Variants in PRKAR1A observed in about 807,000 individuals in gnomAD.
PRKAR1A encodes the protein protein kinase cAMP-dependent type I regulatory subunit alpha, also known as cAMP-dependent protein kinase type I-alpha regulatory subunit.
In PRKAR1A, 3 loss-of-function variants were observed where a neutral mutation model predicts 52.0. That is an observed-to-expected ratio of 0.06 (90% CI 0.03 to 0.15). The LOEUF (loss-of-function observed/expected upper bound fraction) is 0.15, where lower values mean the gene tolerates loss of function less well. PRKAR1A is among the 10% of genes least tolerant of loss of function. The pLI, the probability that PRKAR1A is intolerant of heterozygous loss-of-function variation, is 1.00. For synonymous variants in PRKAR1A, 188 were observed against 168.4 expected (o/e 1.12, Z -0.90); for missense variants, 240 against 477.4 (o/e 0.50, Z 4.63).
At chr17:68,447,615 T>C in the PRKAR1A span, among the ~76,000 whole-genome samples, 9 of 152,090 alleles carry the variant, frequency 5.9e-5, no homozygotes, top group African/African-American at 2.2e-4. Flanking sequence ...GGACTCAAAC[T>C]CCTGGGCTCA....
chr17:68,530,333 C>T lies in PRKAR1A; in HGVS notation c.1030C>T (p.Pro344Ser). ...PRAATVVARG[P>S]LKCVKLDRPR... ...TGCTGCCACAGTTGTTGCTCGTGGCCCCTTGAAGTGCGTTAAGCTGGACCG... is the reference window on the plus strand; with the variant it reads ...TGCTGCCACAGTTGTTGCTCGTGGCTCCTTGAAGTGCGTTAAGCTGGACCG... The change falls in exon 11 of 11, where the codon CCC (proline) becomes TCC (serine). Residue 344 changes from proline (P) to serine (S), a missense_variant. Transcript: ENST00000589228. 1 of 1,614,028 alleles carries T rather than the reference C, an allele frequency of 6.2e-7. No homozygotes were observed. The highest frequency in any genetic ancestry group is 8.5e-7 in the Non-Finnish European group (1 of 1,179,986).
the PRKAR1A span, among the ~76,000 whole-genome samples, chr17:68,483,207 G>A: frequency 0.014 from 2,089 of 152,152 alleles, 45 homozygotes; most frequent in African/African-American, 0.044. Context: ...CGGGCCAGGC[G>A]CAGTGGCTCA....
chr17:68,436,597 G>T, the PRKAR1A span: 1 of 870,550 alleles, frequency 1.1e-6, no homozygotes, highest in Non-Finnish European at 1.8e-6. Context: ...GGGAGGAATG[G>T]CTTTGCAGAC....
the PRKAR1A span, among the ~76,000 whole-genome samples, chr17:68,427,992 G>A: frequency 6.6e-6 from 1 of 151,992 alleles, no homozygotes; most frequent in Non-Finnish European, 1.5e-5. Context: ...CTGGGCTCAG[G>A]TGATCCCCCC....
chr17:68,421,321 T>C, the PRKAR1A span: 1 of 159,846 alleles, frequency 6.3e-6, no homozygotes, highest in Non-Finnish European at 1.4e-5. Context: ...AAAATGGGAC[T>C]CCCAAGTAAT....
chr17:68,538,890 G>A (rs574874298), intron 11 of PRKAR1A, among the ~76,000 whole-genome samples: 17 of 152,294 alleles, frequency 1.1e-4, no homozygotes, highest in African/African-American at 3.6e-4. Context: ...GTCATGAATC[G>A]CTTAGTGATG....
chr17:68,436,509 C>T, the PRKAR1A span: 1 of 1,603,598 alleles, frequency 6.2e-7, no homozygotes, highest in African/African-American at 1.3e-5. Context: ...ACATGAGAAG[C>T]CTGGGGCCAA....
chr17:68,519,044 A>G (rs532976828), intron 2 of PRKAR1A, among the ~76,000 whole-genome samples: 2 of 152,234 alleles, frequency 1.3e-5, no homozygotes, highest in Non-Finnish European at 1.5e-5. Flanking sequence ...TACTATCAGC[A>G]TTTTGGTCAA....
chr17:68,490,657 G>A, the PRKAR1A span, among the ~76,000 whole-genome samples: 1 of 152,032 alleles, frequency 6.6e-6, no homozygotes, highest in African/African-American at 2.4e-5. Context: ...TCTGAGGGGC[G>A]TGTCCTGTGG....
chr17:68,437,947 T>TAAAAAAAAAAAAAAAAAAC, the PRKAR1A span, among the ~76,000 whole-genome samples: 1 of 58,786 alleles, frequency 1.7e-5, no homozygotes. Context: ...GACATCTCTC[T>TAAAAAAAAAAAAAAAAAAC]TAAAAAAAAA....
chr17:68,470,615 AG>A, the PRKAR1A span, among the ~76,000 whole-genome samples: 30 of 152,370 alleles, frequency 2.0e-4, no homozygotes, highest in South Asian at 3.7e-3. Flanking sequence ...AAGGTGGCCA[AG>A]ATACATAGTG....
chr17:68,535,317 C>G (rs1203324063), downstream of PRKAR1A: 2 of 454,096 alleles, frequency 4.4e-6, no homozygotes, highest in South Asian at 3.1e-5. Context: ...TGGTGAAATT[C>G]AAGCCTATTG....
Position 68,531,776 on chromosome 17 carries a change from T to A in PRKAR1A, c.*1327T>A. The A allele has an allele frequency of 9.6e-7, 1 of 1,040,002 alleles. No individual in the cohort carries two copies. Among genetic ancestry groups the A allele is most frequent in the Non-Finnish European group, 1.2e-6 (1 of 855,764 alleles). 64.4% of individuals were successfully genotyped at this position (1,040,002 alleles called of 1,614,324 possible). A position where few individuals can be genotyped will look rare whatever the true frequency, so the allele number is the denominator to read the frequency against. On this transcript the variant is annotated 3_prime_UTR_variant, in exon 11 of 11. Transcript: ENST00000589228. ...ACTGTATTTCAGTATTTTCCAGCCT[T>A]ATGTGTTACATTATTCCAATGATAC...
the PRKAR1A span, among the ~76,000 whole-genome samples, chr17:68,482,330 T>C: frequency 6.6e-6 from 1 of 152,216 alleles, no homozygotes; most frequent in Non-Finnish European, 1.5e-5. Flanking sequence ...ATGTTATTAC[T>C]CTTTGACAGA....
At chr17:68,428,696 A>G in the PRKAR1A span, 1 of 673,748 alleles carries the variant, frequency 1.5e-6, no homozygotes, top group East Asian at 2.8e-5. Context: ...CTTGCCCACT[A>G]GAGGTTTGCC....
rs886041228 is a variant in PRKAR1A, at chr17:68,515,445, C to G, written c.46C>G (p.Arg16Gly). 11 of 1,613,448 alleles carry G rather than the reference C, an allele frequency of 6.8e-6. No individual in the cohort carries two copies. The highest frequency in any genetic ancestry group is 1.1e-5 in the South Asian group (1 of 91,058). Residue 16 changes from arginine (R) to glycine (G), a missense_variant, in exon 2 of 11, where the codon CGA becomes GGA. Coordinates refer to ENST00000589228, the MANE Select transcript of PRKAR1A (RefSeq NM_002734.5). ...CGCCAGTGAGGAGGCACGCAGCCTT[C>G]GAGAATGTGAGCTCTACGTCCAGAA... ...TAASEEARSL[R>G]ECELYVQKHN...
intron 11 of PRKAR1A, chr17:68,551,010 G>GGAA: frequency 8.5e-7 from 1 of 1,173,760 alleles, no homozygotes; most frequent in Non-Finnish European, 1.1e-6. Context: ...GTATTCCACT[G>GGAA]GAAGAAGCAC....
the PRKAR1A span, chr17:68,450,888 G>A: frequency 2.4e-5 from 38 of 1,611,530 alleles, no homozygotes; most frequent in Middle Eastern, 3.3e-4. Context: ...GTAGACGTCC[G>A]GGATTTCATC....
Position 68,523,800 on chromosome 17 carries a change from G to A in PRKAR1A, c.424G>A (p.Asp142Asn). 6.2e-7 allele frequency: 1 copy of A among 1,613,774 alleles called. No homozygotes were observed. The highest frequency in any genetic ancestry group is 8.5e-7 in the Non-Finnish European group (1 of 1,179,810). ...IEKNVLFSHL[D>N]DNERSDIFDA... ...AAAGAATGTGCTGTTTTCACATCTTGATGATAATGAGAGAAGGTAGGAACA... is the reference window on the plus strand; with the variant it reads ...AAAGAATGTGCTGTTTTCACATCTTAATGATAATGAGAGAAGGTAGGAACA... The change falls in exon 4 of 11, where the codon GAT (aspartate) becomes AAT (asparagine). Residue 142 changes from aspartate to asparagine, a missense_variant. Physicochemically the swap from Asp to Asn is conservative, Grantham distance 23. This residue lies in a region of PRKAR1A where 107 missense variants were observed against 290.9 expected (regional missense o/e 0.37). Coordinates refer to ENST00000589228, the MANE Select transcript of PRKAR1A (RefSeq NM_002734.5).
Sources: allele counts gnomAD v4.1 joint callset (sites outside exome capture counted in the v4.1 genomes callset), GRCh38; gene constraint gnomAD v4.1.1; regional missense constraint gnomAD v4.1.1; transcripts MANE v1.5; gene names NCBI Gene and HGNC (gene_info 2026-07-23, HGNC 2026-07-21).